Variants in VIT observed in about 807,000 individuals in gnomAD.
VIT encodes the protein vitrin.
In VIT, 99 loss-of-function variants were observed where a neutral mutation model predicts 78.0. That is an observed-to-expected ratio of 1.27 (90% CI 1.08 to 1.50). The LOEUF is 1.50. VIT is among the 40% of genes most tolerant of loss of function. The probability of loss-of-function intolerance (pLI) is 0.00; values close to 1 mark genes in which losing one functional copy is unlikely to be tolerated. For synonymous variants in VIT, 374 were observed against 334.3 expected (o/e 1.12, Z -1.29); for missense variants, 1,126 against 875.3 (o/e 1.29, Z -3.61).
chr2:36,731,572 C>A (rs1667211914), intron 3 of VIT, among the ~76,000 whole-genome samples: 2 of 152,100 alleles, frequency 1.3e-5, no homozygotes, highest in South Asian at 4.1e-4. Flanking sequence ...CGCAACCGGC[C>A]ATGTCTTGAT....
chr2:36,788,189 A>G, intron 12 of VIT: 1 of 182,684 alleles, frequency 5.5e-6, no homozygotes, highest in South Asian at 1.0e-4. Context: ...AGTGGAAACC[A>G]TCATAACCTT....
intron 6 of VIT, among the ~76,000 whole-genome samples, chr2:36,760,230 T>G (rs1356213160): frequency 1.3e-5 from 2 of 152,160 alleles, no homozygotes; most frequent in Non-Finnish European, 2.9e-5. Flanking sequence ...CTTGACCTCA[T>G]GATCCTCCCG....
chr2:36,795,241 C>CT (rs1665791104), intron 12 of VIT, among the ~76,000 whole-genome samples: 1 of 151,938 alleles, frequency 6.6e-6, no homozygotes, highest in Non-Finnish European at 1.5e-5. Context: ...ATTCCAGGAA[C>CT]TTTTGCAGTC....
At chr2:36,744,259 G>A (rs994992381) in intron 4 of VIT, among the ~76,000 whole-genome samples, 2 of 152,130 alleles carry the variant, frequency 1.3e-5, no homozygotes, top group Non-Finnish European at 2.9e-5. Context: ...GAATAGTGCT[G>A]CAACGAACAT....
chr2:36,761,507 G>A (rs531190089), intron 6 of VIT, among the ~76,000 whole-genome samples: 4 of 152,228 alleles, frequency 2.6e-5, no homozygotes, highest in Admixed American at 1.3e-4. Flanking sequence ...TTGGGAGGCC[G>A]AGGCAGGCGG....
At chr2:36,768,629 C>T (rs1420433979) in intron 7 of VIT, among the ~76,000 whole-genome samples, 1 of 152,152 alleles carries the variant, frequency 6.6e-6, no homozygotes, top group Non-Finnish European at 1.5e-5. Context: ...CCAGCCTACA[C>T]AGCTGGGAAG....
intron 7 of VIT, among the ~76,000 whole-genome samples, chr2:36,771,325 C>A: frequency 6.6e-6 from 1 of 152,058 alleles, no homozygotes; most frequent in East Asian, 1.9e-4. Flanking sequence ...GTCAGAAGTT[C>A]GACCAGTCTG....
rs199865945 is a variant in VIT, at chr2:36,808,863, A to C, written c.1781A>C (p.Asn594Thr). The C allele has an allele frequency of 2.5e-6, 4 of 1,614,196 alleles. No homozygotes were observed. Among genetic ancestry groups the C allele is most frequent in the South Asian group, 1.1e-5 (1 of 91,084 alleles). ...GGCACCAGCACGGGGGCTGCCATCA[A>C]CTTCGCCCTGGAGCAGCTCTTCAAG... Reference protein sequence around the residue: ...SGGTSTGAAINFALEQLFKKS... With the variant: ...SGGTSTGAAITFALEQLFKKS... Residue 594 changes from asparagine to threonine, a missense_variant, in exon 15 of 16, where the codon AAC becomes ACC. Asn to Thr is a moderately conservative substitution (Grantham distance 65, BLOSUM62 0). Transcript: ENST00000379242.
intron 12 of VIT, among the ~76,000 whole-genome samples, chr2:36,794,059 T>C (rs1665690291): frequency 6.6e-6 from 1 of 152,178 alleles, no homozygotes; most frequent in Non-Finnish European, 1.5e-5. Context: ...ATCCATCCAA[T>C]TTCCCTGTCC....
At chr2:36,753,852 A>G (rs577034711) in intron 4 of VIT, among the ~76,000 whole-genome samples, 1 of 152,288 alleles carries the variant, frequency 6.6e-6, no homozygotes, top group South Asian at 2.1e-4. Context: ...TGAGAGGTAG[A>G]TGGGAGCAAG....
chr2:36,745,228 T>A (rs1489192583), intron 4 of VIT, among the ~76,000 whole-genome samples: 1 of 152,152 alleles, frequency 6.6e-6, no homozygotes, highest in African/African-American at 2.4e-5. Context: ...AGCCTTGTAG[T>A]ATTAAGTCTG....
chr2:36,811,786 C>T (rs1667190814), intron 15 of VIT, among the ~76,000 whole-genome samples: 1 of 151,828 alleles, frequency 6.6e-6, no homozygotes, highest in South Asian at 2.1e-4. Flanking sequence ...GATTCTCCTG[C>T]CTCAGTCTCC....
Position 36,750,350 on chromosome 2 carries a change from TG to T in VIT, c.276-4570del, listed in dbSNP as rs568644614. On this transcript the variant is annotated intron_variant, in intron 4 of 15. Transcript: ENST00000379242. ...CACACTCCAGTGTCTGTGTAGAAAG[TG>T]ACATCTGCTGCAAAGGGTGAGCCTG... Among the ~76,000 whole-genome samples the T allele has an allele frequency of 9.8e-5, 15 of 152,324 alleles. No homozygotes were observed. The South Asian group carries it at 2.9e-3, about 29-fold the overall frequency.
Position 36,795,634 on chromosome 2 carries a change from C to T in VIT, c.1059-5667C>T, listed in dbSNP as rs913454149. Among the ~76,000 whole-genome samples the T allele has an allele frequency of 2.0e-5, 3 of 151,980 alleles. No individual in the cohort carries two copies. In the East Asian group the frequency reaches 5.8e-4, roughly 29 times the overall value. ...TTCATCATATTGATCAAGCTGGTCT[C>T]GAACTCCTGACCTCAGGTGATCCGC... On this transcript the variant is annotated intron_variant, in intron 12 of 15. Transcript: ENST00000379242.
In VIT at chr2:36,729,410, A is replaced by T; in HGVS notation, c.53-16A>T. ...AAATAAAATTGATTAAATTTTTAAA[A>T]ATTTTCTTCATGTAGTTTTGCTGGT... is the stretch of plus-strand genomic sequence containing the variant. On this transcript the variant is annotated splice_polypyrimidine_tract_variant and intron_variant, in intron 2 of 15. Coordinates refer to ENST00000379242, the MANE Select transcript of VIT (RefSeq NM_053276.4). 2.5e-6 allele frequency: 4 copies of T among 1,585,802 alleles called. No individual in the cohort carries two copies. Among genetic ancestry groups the T allele is most frequent in the Non-Finnish European group, 3.4e-6 (4 of 1,170,784 alleles).
intron 4 of VIT, among the ~76,000 whole-genome samples, chr2:36,749,820 G>T (rs1347303218): frequency 6.6e-6 from 1 of 152,166 alleles, no homozygotes; most frequent in Non-Finnish European, 1.5e-5. Flanking sequence ...ACATAAGTGG[G>T]TTGATTGTTC....
chr2:36,781,510 A>C (rs564613869), intron 9 of VIT, among the ~76,000 whole-genome samples: 9 of 152,216 alleles, frequency 5.9e-5, no homozygotes, highest in African/African-American at 2.2e-4. Context: ...AATGAAAAAG[A>C]AATTGGTAAA....
At chr2:36,736,680 T>A (rs532177655) in intron 3 of VIT, among the ~76,000 whole-genome samples, 2 of 152,284 alleles carry the variant, frequency 1.3e-5, no homozygotes, top group African/African-American at 4.8e-5. Context: ...TTGTATAAGA[T>A]GAAACAAAAG....
chr2:36,710,955 A>G (rs1665764680), intron 1 of VIT, among the ~76,000 whole-genome samples: 1 of 152,194 alleles, frequency 6.6e-6, no homozygotes, highest in Admixed American at 6.6e-5. Context: ...TGGTGGGAAT[A>G]TATTTAGCTT....
Sources: allele counts gnomAD v4.1 joint callset (sites outside exome capture counted in the v4.1 genomes callset), GRCh38; gene constraint gnomAD v4.1.1; transcripts MANE v1.5; gene names NCBI Gene and HGNC (gene_info 2026-07-23, HGNC 2026-07-21).